Variants in TOMM22 observed in about 807,000 individuals in gnomAD.
The protein encoded by TOMM22 is translocase of outer mitochondrial membrane 22.
A neutral mutation model predicts 17.1 loss-of-function variants in TOMM22; 3 were observed. The ratio of observed to expected loss-of-function variants is 0.18; its 90% CI spans 0.08 to 0.45. The LOEUF is 0.45. Among genes scored for constraint, TOMM22 ranks in the 20% least tolerant of loss-of-function variants. The pLI is 0.99. For missense variants in TOMM22, 159 were observed against 179.5 expected, an observed-to-expected ratio of 0.89 and a Z score of 0.65; for synonymous variants, 91 against 74.0, an observed-to-expected ratio of 1.23 and a Z score of -1.18.
chr22:38,682,081 G>C lies in TOMM22; in HGVS notation c.103G>C (p.Asp35His), dbSNP rs1248358278. 5.7e-6 allele frequency: 9 copies of C among 1,583,678 alleles called. No homozygotes were observed. The highest frequency in any genetic ancestry group is 7.7e-6 in the Non-Finnish European group (9 of 1,164,938). The change falls in exon 1 of 4, where the codon GAC (aspartate) becomes CAC (histidine). Residue 35 changes from aspartate to histidine, a missense_variant. Physicochemically the swap from Asp to His is moderately conservative, Grantham distance 81. Transcript: ENST00000216034. Reference sequence around the variant, plus strand: ...GAAGCCTGAGGAGGAGCTGGAGGAGGACGACGATGAGGAGGTACTAGGGCC... The same window carrying C: ...GAAGCCTGAGGAGGAGCTGGAGGAGCACGACGATGAGGAGGTACTAGGGCC... ...AEKPEEELEE[D>H]DDEELDETLS...
chr22:38,683,241 G>A (rs2092485479), intron 3 of TOMM22, among the ~76,000 whole-genome samples: 1 of 151,910 alleles, frequency 6.6e-6, no homozygotes, highest in Admixed American at 6.6e-5. Flanking sequence ...CTATAACGTA[G>A]AATGAGTGGG....
intron 3 of TOMM22, 111 bp downstream of exon 3, chr22:38,683,107 T>C: frequency 3.8e-6 from 2 of 530,440 alleles, no homozygotes; most frequent in Non-Finnish European, 6.1e-6. Flanking sequence ...GAACACAGTT[T>C]TTACATGGAT....
chr22:38,682,547 C>A, intron 2 of TOMM22, 106 bp downstream of exon 2: 2 of 977,806 alleles, frequency 2.0e-6, no homozygotes, highest in Non-Finnish European at 3.2e-6. Flanking sequence ...TGACCTTGGG[C>A]TTGTACCCTA....
chr22:38,682,794 A>G, intron 2 of TOMM22, 85 bp from the exon 3 acceptor site: 2 of 1,104,808 alleles, frequency 1.8e-6, no homozygotes, highest in Non-Finnish European at 1.4e-6. Flanking sequence ...GGAGTATGTA[A>G]TGTGAGAGGT....
At chr22:38,683,432 G>A (rs529017918) in intron 3 of TOMM22, among the ~76,000 whole-genome samples, 1 of 152,278 alleles carries the variant, frequency 6.6e-6, no homozygotes, top group African/African-American at 2.4e-5. Flanking sequence ...GACAGGAGGT[G>A]GAGCTCAGGC....
chr22:38,684,081 C>T lies in TOMM22; in HGVS notation c.*240C>T, dbSNP rs2145796742. 1 of 471,684 alleles carries T rather than the reference C, an allele frequency of 2.1e-6. No homozygotes were observed. The highest frequency in any genetic ancestry group is 3.9e-5 in the South Asian group (1 of 25,792). 29.2% of individuals were successfully genotyped at this position (471,684 alleles called of 1,614,324 possible). A position where few individuals can be genotyped will look rare whatever the true frequency, so the allele number is the denominator to read the frequency against. The stretch of plus-strand genomic sequence containing the variant: ...GAGTGCAGCCATGCAGATGGTTATT[C>T]CAGCTCTGGTCACCCGACTCCTTTC... On this transcript the variant is annotated 3_prime_UTR_variant, in exon 4 of 4. Transcript: ENST00000216034.
chr22:38,682,557 A>G, intron 2 of TOMM22, 116 bp downstream of exon 2: 4 of 877,934 alleles, frequency 4.6e-6, no homozygotes, highest in East Asian at 2.4e-5. Context: ...CTTGTACCCT[A>G]TCCTTTCTTA....
In TOMM22 at chr22:38,681,996, T is replaced by A; in HGVS notation, c.18T>A (p.Ala6=). The change falls in exon 1 of 4, where the codon GCT becomes GCA. Residue 6 remains alanine, a synonymous_variant. Transcript: ENST00000216034. The part of the protein sequence containing the change: MAAAV[A]AAGAGEPQSP... ...CTACAGTCATGGCTGCCGCCGTCGCTGCTGCCGGTGCAGGGGAACCCCAGT... is the reference window on the plus strand; with the variant it reads ...CTACAGTCATGGCTGCCGCCGTCGCAGCTGCCGGTGCAGGGGAACCCCAGT... 6.2e-7 allele frequency: 1 copy of A among 1,610,940 alleles called. No individual in the cohort carries two copies. The highest frequency in any genetic ancestry group is 8.5e-7 in the Non-Finnish European group (1 of 1,179,032).
Position 38,684,645 on chromosome 22 carries a change from T to C in TOMM22, c.*804T>C, listed in dbSNP as rs1466781783. The C allele has an allele frequency of 1.3e-5, 2 of 152,122 alleles. No homozygotes were observed. Among genetic ancestry groups the C allele is most frequent in the African/African-American group, 4.8e-5 (2 of 41,422 alleles). The allele number at this position is 152,122 out of a possible 1,614,324, so 9.4% of individuals were successfully genotyped here. A position where few individuals can be genotyped will look rare whatever the true frequency, so the allele number is the denominator to read the frequency against. ...TTTAGCCAAGTACTTCATAGCAATC[T>C]TTGCCCTGAATTTAGGCAGTCACTT... On this transcript the variant is annotated 3_prime_UTR_variant, in exon 4 of 4. Coordinates refer to ENST00000216034, the MANE Select transcript of TOMM22 (RefSeq NM_020243.5).
intron 3 of TOMM22, 146 bp downstream of exon 3, chr22:38,683,142 C>CAGGGG (rs1264244633): frequency 2.5e-5 from 1 of 40,798 alleles, no homozygotes; most frequent in Non-Finnish European, 5.0e-5. Context: ...GGCCGGGGGT[C>CAGGGG]GGGGGGGGGG....
intron 2 of TOMM22, 113 bp downstream of exon 2, chr22:38,682,554 C>A: frequency 1.1e-6 from 1 of 904,374 alleles, no homozygotes; most frequent in Non-Finnish European, 1.7e-6. Flanking sequence ...GGGCTTGTAC[C>A]CTATCCTTTC....
At position 38,684,218 on chromosome 22, in the gene TOMM22, T is replaced by C. The variant is rs1056631; in HGVS notation, c.*377T>C. Reference sequence around the variant, plus strand: ...AACGACTGTTTTTTTTTTTTTTTTTTAAAGAATGGAGTTGTTGGGGCAGGA... The same window carrying C: ...AACGACTGTTTTTTTTTTTTTTTTTCAAAGAATGGAGTTGTTGGGGCAGGA... On this transcript the variant is annotated 3_prime_UTR_variant, in exon 4 of 4. Coordinates refer to ENST00000216034, the MANE Select transcript of TOMM22 (RefSeq NM_020243.5). 5.3e-6 allele frequency: 1 copy of C among 188,458 alleles called. No homozygotes were observed. The highest frequency in any genetic ancestry group is 2.4e-5 in the African/African-American group (1 of 42,394). 11.7% of individuals were successfully genotyped at this position (188,458 alleles called of 1,614,324 possible).
chr22:38,684,302 A>G lies in TOMM22; in HGVS notation c.*461A>G, dbSNP rs963622765. ...ACACCTGTAGTGTAAAGTGGCCACT[A>G]TGAATCCCTATGTATGAGAGGAGGG... On this transcript the variant is annotated 3_prime_UTR_variant, in exon 4 of 4. Coordinates refer to ENST00000216034, the MANE Select transcript of TOMM22 (RefSeq NM_020243.5). 7.6e-5 allele frequency: 12 copies of G among 157,248 alleles called. No homozygotes were observed. The highest frequency in any genetic ancestry group is 1.5e-4 in the Non-Finnish European group (11 of 71,020). The allele number at this position is 157,248 out of a possible 1,614,324, so 9.7% of individuals were successfully genotyped here. A position where few individuals can be genotyped will look rare whatever the true frequency, so the allele number is the denominator to read the frequency against.
Position 38,684,687 on chromosome 22 carries a change from A to G in TOMM22, c.*846A>G, listed in dbSNP as rs41280831. On this transcript the variant is annotated 3_prime_UTR_variant, in exon 4 of 4. Transcript: ENST00000216034. ...CAGTCACTTTGAGATCCATCAGCCTAAAACAAAGGATTGGGTCTATGTACT... is the reference window on the plus strand; with the variant it reads ...CAGTCACTTTGAGATCCATCAGCCTGAAACAAAGGATTGGGTCTATGTACT... 1.3e-5 allele frequency: 2 copies of G among 152,342 alleles called. No individual in the cohort carries two copies. The highest frequency in any genetic ancestry group is 2.9e-5 in the Non-Finnish European group (2 of 68,040). 9.4% of individuals were successfully genotyped at this position (152,342 alleles called of 1,614,324 possible).
chr22:38,682,122 C>A, intron 1 of TOMM22, 27 bp downstream of exon 1: 1 of 1,552,270 alleles, frequency 6.4e-7, no homozygotes, highest in Non-Finnish European at 8.7e-7. Flanking sequence ...GGGTGCAGAG[C>A]GGGAAGCGGG....
intron 2 of TOMM22, 31 bp from the exon 3 acceptor site, chr22:38,682,848 A>C (rs1467712758): frequency 6.3e-7 from 1 of 1,598,830 alleles, no homozygotes; most frequent in African/African-American, 1.3e-5. Flanking sequence ...GCATGTCTTC[A>C]TGCTCACCCT....
rs1413610585 is a variant in TOMM22 at position 38,685,219 on chromosome 22, C to G, written c.*1378C>G. ...CAGAGTTAAGTGCTAGACCTGGATT[C>G]AAATCCAGGCAGTCCAGCTACAGAA... On this transcript the variant is annotated 3_prime_UTR_variant, in exon 4 of 4. Coordinates refer to ENST00000216034, the MANE Select transcript of TOMM22 (RefSeq NM_020243.5). 6.6e-6 allele frequency: 1 copy of G among 152,202 alleles called. No individual in the cohort carries two copies. The highest frequency in any genetic ancestry group is 1.9e-4 in the East Asian group (1 of 5,200). The allele number at this position is 152,202 out of a possible 1,614,324, so 9.4% of individuals were successfully genotyped here.
chr22:38,683,169 T>C (rs543849193), intron 3 of TOMM22, among the ~76,000 whole-genome samples, 173 bp downstream of exon 3: 8 of 150,250 alleles, frequency 5.3e-5, no homozygotes, highest in East Asian at 3.9e-4. Flanking sequence ...ATGATTCAAG[T>C]GCATTACATT....
At chr22:38,683,053 C>A in intron 3 of TOMM22, 57 bp downstream of exon 3, 1 of 1,317,766 alleles carries the variant, frequency 7.6e-7, no homozygotes, top group Non-Finnish European at 1.0e-6. Flanking sequence ...ATTTCACTAA[C>A]ACATTGGTCC....
Sources: allele counts gnomAD v4.1 joint callset (sites outside exome capture counted in the v4.1 genomes callset), GRCh38; gene constraint gnomAD v4.1.1; transcripts MANE v1.5; gene names NCBI Gene and HGNC (gene_info 2026-07-23, HGNC 2026-07-21).